Variants in TEKT5 observed in about 807,000 individuals in gnomAD.
The protein encoded by TEKT5 is tektin 5.
In TEKT5, 52 loss-of-function variants were observed where a neutral mutation model predicts 48.7. The ratio of observed to expected loss-of-function variants is 1.07; its 90% CI spans 0.86 to 1.35. TEKT5 has a LOEUF of 1.35. Ranked by LOEUF, TEKT5 falls within the 40% of genes most tolerant of loss-of-function variation. The probability of loss-of-function intolerance (pLI) is 0.00; values close to 1 mark genes in which losing one functional copy is unlikely to be tolerated. For missense variants in TEKT5, 831 were observed against 641.6 expected (o/e 1.30, Z -3.19); for synonymous variants, 318 against 267.6 (o/e 1.19, Z -1.84).
At chr16:10,676,262 T>G in intron 4 of TEKT5, 81 bp from the exon 5 acceptor site, 4 of 1,369,798 alleles carry the variant, frequency 2.9e-6, no homozygotes, top group Non-Finnish European at 4.1e-6. Context: ...AGTCTTGGCC[T>G]CTGGGTCGGG....
At chr16:10,692,204 G>T (rs1898992431) in intron 1 of TEKT5, among the ~76,000 whole-genome samples, 1 of 152,190 alleles carries the variant, frequency 6.6e-6, no homozygotes, top group Non-Finnish European at 1.5e-5. Flanking sequence ...CAGGATGGGG[G>T]AGTGAGAAGA....
Position 10,694,855 on chromosome 16 carries a change from T to C in TEKT5, c.19A>G (p.Thr7Ala), listed in dbSNP as rs1476903813. 4 of 1,570,030 alleles carry C rather than the reference T, an allele frequency of 2.5e-6. No homozygotes were observed. Among genetic ancestry groups the C allele is most frequent in the Non-Finnish European group, 3.4e-6 (4 of 1,161,108 alleles). MEFLGT[T>A]QTASYCGPKK... ...GGACCACAGTAACTGGCGGTCTGAG[T>C]AGTCCCAAGAAACTCCATCCTCCCT... Residue 7 changes from threonine (T) to alanine (A), a missense_variant, in exon 1 of 7, where the codon ACT (threonine) becomes GCT (alanine). Transcript: ENST00000283025.
At chr16:10,671,566 T>C (rs1295041967) in intron 5 of TEKT5, 9 of 152,252 alleles carry the variant, frequency 5.9e-5, no homozygotes, top group Admixed American at 1.3e-4. Context: ...ATTCCACTTA[T>C]ATGAAGTCCA....
intron 6 of TEKT5, among the ~76,000 whole-genome samples, chr16:10,633,700 G>A (rs927411954): frequency 6.6e-6 from 1 of 152,106 alleles, no homozygotes; most frequent in African/African-American, 2.4e-5. Flanking sequence ...ATGTCACGAT[G>A]CCTGGCTAAG....
chr16:10,691,564 C>T (rs1199615093), intron 1 of TEKT5, among the ~76,000 whole-genome samples: 1 of 152,092 alleles, frequency 6.6e-6, no homozygotes, highest in Non-Finnish European at 1.5e-5. Flanking sequence ...AGACAGGAAG[C>T]CATTGGCCCT....
At chr16:10,654,924 TCCCCCCCCTCCCCTCCCCCACCC>T (rs1358144095) in intron 5 of TEKT5, among the ~76,000 whole-genome samples, 6 of 44,982 alleles carry the variant, frequency 1.3e-4, no homozygotes, top group African/African-American at 5.5e-4. Context: ...CTGTCCTGTC[TCCCCCCCCTCCCCTCCCCCACCC>T]CCCCCCCCCA....
rs139649895 is a variant in TEKT5 at position 10,676,181 on chromosome 16, C to T, written c.864G>A (p.Thr288=). The T allele has an allele frequency of 1.7e-5, 28 of 1,614,006 alleles. No homozygotes were observed. The highest frequency in any genetic ancestry group is 2.2e-5 in the Non-Finnish European group (26 of 1,180,018). ...TGGCCCAGGTCTCAGGTACGGAGAT[C>T]CTGCAAAGGCACAAGGGTGAGTTGC... is the stretch of plus-strand genomic sequence containing the variant. ...FFHGMEKIDG[T]ISVPETWAKF... Residue 288 remains threonine (T), a splice_region_variant and synonymous_variant, in exon 5 of 7, where the codon ACG becomes ACA. Transcript: ENST00000283025.
At chr16:10,686,499 G>A (rs190943773) in intron 3 of TEKT5, among the ~76,000 whole-genome samples, 217 of 151,666 alleles carry the variant, frequency 1.4e-3, no homozygotes, top group African/African-American at 5.0e-3. Flanking sequence ...TGTAACACCT[G>A]AAACTGTAAA....
In TEKT5 at chr16:10,634,179, ATT is replaced by A. The variant is rs150514178; in HGVS notation, c.1241+1583_1241+1584del. Among the ~76,000 whole-genome samples the A allele has an allele frequency of 1.3e-3, 195 of 152,170 alleles. 1 individual carries two copies. Among genetic ancestry groups the A allele is most frequent in the African/African-American group, 4.3e-3 (179 of 41,488 alleles). On this transcript the variant is annotated intron_variant, in intron 6 of 6. Transcript: ENST00000283025. ...TCTCTGGACCTCAATTTATCTTCCC[ATT>A]TGACAACAGTAGGAGTAACTGACTT...
chr16:10,653,085 T>C (rs7196344), intron 5 of TEKT5, among the ~76,000 whole-genome samples: 12,599 of 152,244 alleles, frequency 0.083, 587 homozygotes, highest in African/African-American at 0.1. Flanking sequence ...AACCTTCCTG[T>C]TCCCATGAAG....
intron 6 of TEKT5, among the ~76,000 whole-genome samples, chr16:10,628,439 A>G (rs947361680): frequency 6.6e-6 from 1 of 152,218 alleles, no homozygotes; most frequent in East Asian, 1.9e-4. Context: ...ATATACCCAA[A>G]AGAACAGAAA....
chr16:10,663,672 A>G (rs950525469), intron 5 of TEKT5, among the ~76,000 whole-genome samples: 5 of 152,182 alleles, frequency 3.3e-5, no homozygotes, highest in African/African-American at 7.2e-5. Context: ...GAGCCCAGAT[A>G]TATCTCAGCT....
chr16:10,676,219 A>G (rs957495496), intron 4 of TEKT5, 38 bp from the exon 5 acceptor site: 1 of 1,599,426 alleles, frequency 6.3e-7, no homozygotes, highest in Non-Finnish European at 8.6e-7. Flanking sequence ...CAGTCCTGGA[A>G]GACCTCAGAA....
At chr16:10,672,632 T>C (rs1898567100) in intron 5 of TEKT5, among the ~76,000 whole-genome samples, 1 of 152,072 alleles carries the variant, frequency 6.6e-6, no homozygotes, top group Admixed American at 6.6e-5. Flanking sequence ...CTTCCATTCA[T>C]TGCAGAAAGA....
chr16:10,656,491 G>A (rs1002219046), intron 5 of TEKT5, among the ~76,000 whole-genome samples: 3 of 152,004 alleles, frequency 2.0e-5, no homozygotes, highest in African/African-American at 4.8e-5. Context: ...GGGCTCAAGC[G>A]ATCCACCCGC....
At chr16:10,676,285 C>T (rs1898646041) in intron 4 of TEKT5, 104 bp from the exon 5 acceptor site, 3 of 1,111,922 alleles carry the variant, frequency 2.7e-6, no homozygotes, top group Non-Finnish European at 2.6e-6. Context: ...TATTCTCTGT[C>T]CTGTGCATTG....
At position 10,694,795 on chromosome 16, in the gene TEKT5, C is replaced by G. The variant is rs61731533; in HGVS notation, c.79G>C (p.Val27Leu). 5.0e-6 allele frequency: 8 copies of G among 1,612,860 alleles called. No homozygotes were observed. Among genetic ancestry groups the G allele is most frequent in the Non-Finnish European group, 6.8e-6 (8 of 1,179,386 alleles). ...CATTCCTGGATCACTGGCGCCTGTA[C>G]AGCTGGCAGTGAGGTCAAGCCACAG... ...KCCGLTSLPAVQAPVIQECYQ... is the reference protein window; with the variant it reads ...KCCGLTSLPALQAPVIQECYQ... The change falls in exon 1 of 7, where the codon GTA (valine) becomes CTA (leucine). Residue 27 changes from valine (V) to leucine (L), a missense_variant. Transcript: ENST00000283025.
intron 5 of TEKT5, among the ~76,000 whole-genome samples, chr16:10,672,783 C>G (rs925888361): frequency 6.6e-6 from 1 of 152,106 alleles, no homozygotes; most frequent in African/African-American, 2.4e-5. Flanking sequence ...CTACTATGTG[C>G]CCGCACTCCT....
chr16:10,675,125 C>T (rs917921228), intron 5 of TEKT5, among the ~76,000 whole-genome samples: 1 of 152,140 alleles, frequency 6.6e-6, no homozygotes, highest in African/African-American at 2.4e-5. Context: ...TGTGCTTGGC[C>T]TTAAAAAGGG....
Sources: allele counts gnomAD v4.1 joint callset (sites outside exome capture counted in the v4.1 genomes callset), GRCh38; gene constraint gnomAD v4.1.1; transcripts MANE v1.5; gene names NCBI Gene and HGNC (gene_info 2026-07-23, HGNC 2026-07-21).